PARPBP: variants seen among roughly 807,000 people sequenced by gnomAD.
PARPBP encodes the protein PCNA-interacting partner.
In PARPBP, 52 loss-of-function variants were observed where a neutral mutation model predicts 50.0. The ratio of observed to expected loss-of-function variants is 1.04; its 90% CI spans 0.83 to 1.31. PARPBP has a LOEUF of 1.31. Among genes scored for constraint, PARPBP ranks in the 50% most tolerant of loss-of-function variants. The probability of loss-of-function intolerance (pLI) is 0.00; values close to 1 mark genes in which losing one functional copy is unlikely to be tolerated. For missense variants in PARPBP, 697 were observed against 672.0 expected (o/e 1.04, Z -0.41); for synonymous variants, 244 against 232.1 (o/e 1.05, Z -0.47).
At chr12:102,195,149 G>A (rs1436654321) in intron 9 of PARPBP, among the ~76,000 whole-genome samples, 163 bp from the exon 10 acceptor site, 2 of 151,530 alleles carry the variant, frequency 1.3e-5, no homozygotes, top group African/African-American at 4.8e-5. Flanking sequence ...GAATGAGTTT[G>A]CAAACTATGA....
At chr12:102,148,198 ATT>A (rs76358859) in intron 2 of PARPBP, 30 bp from the exon 3 acceptor site, 3,945 of 718,572 alleles carry the variant, frequency 5.5e-3, no homozygotes, top group East Asian at 0.017. Context: ...ACCCAACTTT[ATT>A]TTTTTTTTTT....
rs778193829 is a variant in PARPBP at position 102,153,988 on chromosome 12, CTG to C, written c.495+15_495+16del. Reference sequence around the variant, plus strand: ...GTGATAATGAAAAGGTACTGATAAACTGTGAGTAAATTAAAGCAGACTATAAT... The same window carrying C: ...GTGATAATGAAAAGGTACTGATAAACTGAGTAAATTAAAGCAGACTATAAT... On this transcript the variant is annotated intron_variant, in intron 4 of 10. Coordinates refer to ENST00000327680, the MANE Select transcript of PARPBP (RefSeq NM_017915.5). 10 of 1,406,434 alleles carry C rather than the reference CTG, an allele frequency of 7.1e-6. No individual in the cohort carries two copies. Among genetic ancestry groups the C allele is most frequent in the African/African-American group, 7.1e-5 (5 of 70,678 alleles). The allele number at this position is 1,406,434 out of a possible 1,614,324, so 87.1% of individuals were successfully genotyped here.
At chr12:102,151,890 G>A (rs1594524917) in intron 3 of PARPBP, 3 of 896,496 alleles carry the variant, frequency 3.3e-6, no homozygotes, top group Middle Eastern at 5.1e-4. Flanking sequence ...AGGAACCAGG[G>A]ACCCAAGGAG....
In PARPBP at chr12:102,197,103, A is replaced by G. The variant is rs748555960; in HGVS notation, c.*812A>G. ...GGAAAGCTACAGATCCTTTTAGTGC[A>G]AGATAAGGTTTTATAGCCAGATTCA... On this transcript the variant is annotated 3_prime_UTR_variant, in exon 11 of 11. Coordinates refer to ENST00000327680, the MANE Select transcript of PARPBP (RefSeq NM_017915.5). 2 of 1,612,298 alleles carry G rather than the reference A, an allele frequency of 1.2e-6. No individual in the cohort carries two copies. Among genetic ancestry groups the G allele is most frequent in the Non-Finnish European group, 1.7e-6 (2 of 1,178,700 alleles).
intron 4 of PARPBP, among the ~76,000 whole-genome samples, chr12:102,162,301 G>A (rs933055498): frequency 1.3e-5 from 2 of 152,048 alleles, no homozygotes; most frequent in Non-Finnish European, 2.9e-5. Flanking sequence ...GATAAATTCC[G>A]GGGATATTAG....
chr12:102,134,238 C>CAA (rs771158918), intron 2 of PARPBP, among the ~76,000 whole-genome samples: 17,034 of 90,800 alleles, frequency 0.19, 1,211 homozygotes, highest in Non-Finnish European at 0.24. Context: ...AGAGAAGCCT[C>CAA]AAAAAAAAAA....
intron 8 of PARPBP, 60 bp downstream of exon 8, chr12:102,178,830 A>G: frequency 1.8e-6 from 2 of 1,101,398 alleles, no homozygotes; most frequent in Non-Finnish European, 2.5e-6. Context: ...TATAAAAGAA[A>G]TGTATGCTTA....
At chr12:102,155,755 G>A (rs894482197) in intron 4 of PARPBP, among the ~76,000 whole-genome samples, 32 of 152,162 alleles carry the variant, frequency 2.1e-4, no homozygotes, top group Non-Finnish European at 4.0e-4. Context: ...TATGGCTTGA[G>A]CAGAGCTTTT....
chr12:102,148,480 C>A lies in PARPBP; in HGVS notation c.387+17C>A. The A allele has an allele frequency of 1.0e-6, 1 of 986,362 alleles. No individual in the cohort carries two copies. Among genetic ancestry groups the A allele is most frequent in the Non-Finnish European group, 1.5e-6 (1 of 649,020 alleles). The allele number at this position is 986,362 out of a possible 1,614,324, so 61.1% of individuals were successfully genotyped here. A position where few individuals can be genotyped will look rare whatever the true frequency, so the allele number is the denominator to read the frequency against. Reference sequence around the variant, plus strand: ...GTATCTCCTGTAAGTATTTTTTAAACAATTCTATTTTAATCAAATTAAAAT... The same window carrying A: ...GTATCTCCTGTAAGTATTTTTTAAAAAATTCTATTTTAATCAAATTAAAAT... On this transcript the variant is annotated intron_variant, in intron 3 of 10. Transcript: ENST00000327680.
At chr12:102,164,783 G>A in intron 5 of PARPBP, 175 bp downstream of exon 5, 1 of 625,156 alleles carries the variant, frequency 1.6e-6, no homozygotes, top group East Asian at 2.8e-5. Context: ...TTTGGTAAAG[G>A]AGAATTTCTC....
At chr12:102,181,904 G>C (rs141600156) in intron 8 of PARPBP, among the ~76,000 whole-genome samples, 2 of 152,110 alleles carry the variant, frequency 1.3e-5, no homozygotes, top group South Asian at 2.1e-4. Context: ...GGGTTTTCAC[G>C]TGGCTGGGAA....
intron 4 of PARPBP, among the ~76,000 whole-genome samples, chr12:102,159,217 G>A (rs535071599): frequency 1.3e-5 from 2 of 152,178 alleles, no homozygotes; most frequent in African/African-American, 2.4e-5. Context: ...TGCAACCTCC[G>A]CCTCCTGGGT....
Position 102,195,401 on chromosome 12 carries a change from A to C in PARPBP, c.1353A>C (p.Leu451Phe). ...AGGATAATTGGAATAATGTTAATTT[A>C]GCATCAAAGCCTTTGTGTGTTCTTT... ...ISKDNWNNVN[L>F]ASKPLCVLYM... The change falls in exon 10 of 11, where the codon TTA becomes TTC. Residue 451 changes from leucine to phenylalanine, a missense_variant. By Grantham distance (22) the Leu-to-Phe change is conservative. Coordinates refer to ENST00000327680, the MANE Select transcript of PARPBP (RefSeq NM_017915.5). 1 of 1,594,722 alleles carries C rather than the reference A, an allele frequency of 6.3e-7. No individual in the cohort carries two copies. The highest frequency in any genetic ancestry group is 8.6e-7 in the Non-Finnish European group (1 of 1,167,248).
chr12:102,174,566 G>T (rs74802847), intron 6 of PARPBP, among the ~76,000 whole-genome samples: 5,594 of 152,238 alleles, frequency 0.037, 143 homozygotes, highest in African/African-American at 0.069. Flanking sequence ...TATGTGCTCA[G>T]GCAGCCTGAC....
At chr12:102,137,563 G>T (rs1375577520) in intron 2 of PARPBP, among the ~76,000 whole-genome samples, 1 of 151,378 alleles carries the variant, frequency 6.6e-6, no homozygotes, top group Non-Finnish European at 1.5e-5. Context: ...GTGCAGGTTT[G>T]TTACATATGT....
At chr12:102,152,144 C>T (rs1363226297) in intron 3 of PARPBP, 1 of 265,986 alleles carries the variant, frequency 3.8e-6, no homozygotes, top group Non-Finnish European at 7.3e-6. Context: ...GGCAGGTGGG[C>T]TGGGTCTTCT....
chr12:102,122,843 G>A (rs1302219853), intron 1 of PARPBP, among the ~76,000 whole-genome samples: 2 of 152,170 alleles, frequency 1.3e-5, no homozygotes, highest in Admixed American at 6.5e-5. Flanking sequence ...TATGACAGTC[G>A]AGTGAGGTAA....
Position 102,197,375 on chromosome 12 carries a change from TA to T in PARPBP, c.*1086del. On this transcript the variant is annotated 3_prime_UTR_variant, in exon 11 of 11. Coordinates refer to ENST00000327680, the MANE Select transcript of PARPBP (RefSeq NM_017915.5). ...TGGGATGGAAGAACTACCTGGCATG[TA>T]AGAAATATCGTCAGTCGTCCTAATG... 2 of 838,698 alleles carry T rather than the reference TA, an allele frequency of 2.4e-6. No homozygotes were observed. Among genetic ancestry groups the T allele is most frequent in the Non-Finnish European group, 3.7e-6 (2 of 543,400 alleles). The allele number at this position is 838,698 out of a possible 1,614,324, so 52.0% of individuals were successfully genotyped here. A position where few individuals can be genotyped will look rare whatever the true frequency, so the allele number is the denominator to read the frequency against.
rs779658098 is a variant in PARPBP, at chr12:102,196,611, C to T, written c.*320C>T. ...TTCTCCTCCCATTGGCAATTAAATGCTTTTATTTTCTTCTGAAAAGATGAT... is the reference window on the plus strand; with the variant it reads ...TTCTCCTCCCATTGGCAATTAAATGTTTTTATTTTCTTCTGAAAAGATGAT... On this transcript the variant is annotated 3_prime_UTR_variant, in exon 11 of 11. Transcript: ENST00000327680. The T allele has an allele frequency of 4.7e-6, 7 of 1,480,410 alleles. No homozygotes were observed. The Admixed American group carries it at 1.2e-4, about 25-fold the overall frequency. The allele number at this position is 1,480,410 out of a possible 1,614,324, so 91.7% of individuals were successfully genotyped here. A position where few individuals can be genotyped will look rare whatever the true frequency, so the allele number is the denominator to read the frequency against.
Sources: allele counts gnomAD v4.1 joint callset (sites outside exome capture counted in the v4.1 genomes callset), GRCh38; gene constraint gnomAD v4.1.1; transcripts MANE v1.5; gene names NCBI Gene and HGNC (gene_info 2026-07-23, HGNC 2026-07-21).